CNTNAP2: variants seen among roughly 807,000 people sequenced by gnomAD.
CNTNAP2 encodes the protein contactin-associated protein-like 2.
In CNTNAP2, 98 loss-of-function variants were observed where a neutral mutation model predicts 155.2. That is an observed-to-expected ratio of 0.63 (90% CI 0.54 to 0.75). The LOEUF (loss-of-function observed/expected upper bound fraction) is 0.75, where lower values mean the gene tolerates loss of function less well. Ranked by LOEUF, CNTNAP2 falls within the 30% of genes least tolerant of loss-of-function variation. The probability of loss-of-function intolerance (pLI) is 0.00; values close to 1 mark genes in which losing one functional copy is unlikely to be tolerated. For synonymous variants in CNTNAP2, 651 were observed against 631.2 expected (o/e 1.03, Z -0.47); for missense variants, 1,727 against 1,688.1 (o/e 1.02, Z -0.40).
chr7:148,044,930 C>A (rs967638905), intron 15 of CNTNAP2, among the ~76,000 whole-genome samples: 1 of 152,132 alleles, frequency 6.6e-6, no homozygotes, highest in Non-Finnish European at 1.5e-5. Flanking sequence ...TAGACTCAAG[C>A]AATCCTTCGC....
intron 3 of CNTNAP2, among the ~76,000 whole-genome samples, chr7:146,927,974 AT>A (rs1456644467): frequency 2.0e-5 from 3 of 149,254 alleles, no homozygotes; most frequent in Admixed American, 6.7e-5. Context: ...ATATATATAT[AT>A]ATAAATATAT....
chr7:148,024,570 A>G (rs1218537311), intron 15 of CNTNAP2, among the ~76,000 whole-genome samples: 1 of 152,208 alleles, frequency 6.6e-6, no homozygotes, highest in Admixed American at 6.5e-5. Flanking sequence ...AGGAGTGTTC[A>G]GGAAGGACCC....
At chr7:146,975,352 A>G (rs930782667) in intron 3 of CNTNAP2, among the ~76,000 whole-genome samples, 9 of 151,978 alleles carry the variant, frequency 5.9e-5, no homozygotes, top group African/African-American at 2.2e-4. Context: ...GTAGTCCCAG[A>G]TACTCAGGAG....
intron 8 of CNTNAP2, among the ~76,000 whole-genome samples, chr7:147,270,598 C>T (rs1402214194): frequency 2.0e-5 from 3 of 152,286 alleles, no homozygotes; most frequent in South Asian, 4.1e-4. Context: ...CACCAGGCCA[C>T]ACAATAGACC....
chr7:148,380,806 G>A (rs1799040320), intron 21 of CNTNAP2, among the ~76,000 whole-genome samples: 1 of 152,196 alleles, frequency 6.6e-6, no homozygotes, highest in Admixed American at 6.5e-5. Context: ...CCCCCATCAT[G>A]TACTGCCCTT....
Position 148,064,975 on chromosome 7 carries a change from T to G in CNTNAP2, c.2384-53143T>G, listed in dbSNP as rs192605273. On this transcript the variant is annotated intron_variant, in intron 15 of 23. Coordinates refer to ENST00000361727, the MANE Select transcript of CNTNAP2 (RefSeq NM_014141.6). ...ACCAACTTTGCTGTATCCCAGAGGT[T>G]TTGATAGGTTGTGTCATTATTATCA... 6.0e-4 allele frequency among the ~76,000 whole-genome samples: 92 copies of G among 152,276 alleles called. No individual in the cohort carries two copies. The Middle Eastern group carries it at 0.014, about 23-fold the overall frequency.
At chr7:147,435,150 TTCTTGG>T (rs1306020975) in intron 10 of CNTNAP2, among the ~76,000 whole-genome samples, 1 of 152,170 alleles carries the variant, frequency 6.6e-6, no homozygotes, top group African/African-American at 2.4e-5. Flanking sequence ...AAATGTAACT[TTCTTGG>T]TCTTGAAGAC....
intron 18 of CNTNAP2, among the ~76,000 whole-genome samples, chr7:148,180,817 A>G (rs1294742068): frequency 6.6e-6 from 1 of 152,184 alleles, no homozygotes; most frequent in African/African-American, 2.4e-5. Context: ...TTTAGCCCCT[A>G]CACCTAGAAA....
At chr7:147,401,147 A>G (rs1460244768) in intron 10 of CNTNAP2, among the ~76,000 whole-genome samples, 2 of 152,194 alleles carry the variant, frequency 1.3e-5, no homozygotes, top group Non-Finnish European at 2.9e-5. Flanking sequence ...AAAGTGACTC[A>G]TTAGAATTAG....
intron 1 of CNTNAP2, among the ~76,000 whole-genome samples, chr7:146,260,180 C>T (rs528331718): frequency 2.5e-4 from 38 of 152,338 alleles, no homozygotes; most frequent in African/African-American, 9.1e-4. Flanking sequence ...TTTTAGGAGC[C>T]TCCACCTAGA....
intron 21 of CNTNAP2, among the ~76,000 whole-genome samples, chr7:148,311,077 G>A (rs1277606535): frequency 6.6e-6 from 1 of 152,178 alleles, no homozygotes; most frequent in Non-Finnish European, 1.5e-5. Flanking sequence ...AGTTTGTGTT[G>A]TGAGAGGTCT....
chr7:147,639,655 G>A (rs1256426254), intron 13 of CNTNAP2, among the ~76,000 whole-genome samples: 1 of 152,166 alleles, frequency 6.6e-6, no homozygotes, highest in Non-Finnish European at 1.5e-5. Context: ...TGTCTTTATT[G>A]TAAAGATGAA....
chr7:146,264,713 C>T (rs557397694), intron 1 of CNTNAP2, among the ~76,000 whole-genome samples: 6 of 152,076 alleles, frequency 3.9e-5, no homozygotes, highest in African/African-American at 9.7e-5. Context: ...CGAGAAAAAA[C>T]GAAGCAGAAG....
chr7:146,697,009 C>A (rs1461166488), intron 1 of CNTNAP2, among the ~76,000 whole-genome samples: 1 of 152,034 alleles, frequency 6.6e-6, no homozygotes, highest in Non-Finnish European at 1.5e-5. Context: ...TAATTAAAAC[C>A]AGTTAATTGT....
At chr7:147,245,055 A>T (rs905856638) in intron 8 of CNTNAP2, among the ~76,000 whole-genome samples, 3 of 152,208 alleles carry the variant, frequency 2.0e-5, no homozygotes, top group African/African-American at 7.2e-5. Context: ...AATGTTTAGA[A>T]GACATTAAAC....
chr7:147,208,041 AAC>A (rs1302852818), intron 8 of CNTNAP2, among the ~76,000 whole-genome samples: 1 of 151,930 alleles, frequency 6.6e-6, no homozygotes, highest in Non-Finnish European at 1.5e-5. Context: ...CGCCTTGACA[AAC>A]AGTCAATACT....
intron 1 of CNTNAP2, among the ~76,000 whole-genome samples, chr7:146,531,842 C>T (rs1797775113): frequency 6.6e-6 from 1 of 152,004 alleles, no homozygotes; most frequent in Non-Finnish European, 1.5e-5. Flanking sequence ...ACCATGCCGG[C>T]CCTATAGCTT....
At chr7:146,678,277 C>T (rs1402939648) in intron 1 of CNTNAP2, among the ~76,000 whole-genome samples, 2 of 151,970 alleles carry the variant, frequency 1.3e-5, no homozygotes, top group Non-Finnish European at 2.9e-5. Flanking sequence ...CCACGTTGGC[C>T]GGGCTGGTTT....
At chr7:147,078,320 T>C (rs1457329211) in intron 4 of CNTNAP2, among the ~76,000 whole-genome samples, 1 of 152,240 alleles carries the variant, frequency 6.6e-6, no homozygotes, top group African/African-American at 2.4e-5. Context: ...TTAATTAAAG[T>C]AGAACAAATT....
Sources: gnomAD v4.1 joint callset for allele counts (sites outside exome capture counted in the v4.1 genomes callset) on GRCh38, gnomAD v4.1.1 for gene constraint, MANE v1.5 for transcripts, NCBI Gene and HGNC (gene_info 2026-07-23, HGNC 2026-07-21) for gene names.